PCNT: variants seen among roughly 807,000 people sequenced by gnomAD.
The protein encoded by PCNT is kendrin.
Under a neutral mutation model 380.4 loss-of-function variants are expected in PCNT, and 319 were observed. The observed-to-expected ratio is 0.84, with a 90% CI of 0.77 to 0.92. PCNT has a LOEUF of 0.92. Among genes scored for constraint, PCNT ranks in the 40% least tolerant of loss-of-function variants. The probability of loss-of-function intolerance (pLI) is 0.00; values close to 1 mark genes in which losing one functional copy is unlikely to be tolerated. For missense variants in PCNT, 4,400 were observed against 4,255.3 expected, an observed-to-expected ratio of 1.03 and a Z score of -0.95; for synonymous variants, 1,845 against 1,735.2, an observed-to-expected ratio of 1.06 and a Z score of -1.57.
intron 42 of PCNT, 32 bp downstream of exon 42, chr21:46,440,234 G>A (rs1318349393): frequency 6.2e-7 from 1 of 1,612,324 alleles, no homozygotes; most frequent in Admixed American, 1.7e-5. Flanking sequence ...TAGAACTTTG[G>A]TGCTTTTTTA....
Position 46,440,074 on chromosome 21 carries a change from T to C in PCNT, c.9274-9T>C. On this transcript the variant is annotated splice_polypyrimidine_tract_variant and intron_variant, in intron 41 of 46. Transcript: ENST00000359568. ...CTCTGTAGACAGCGCTGGCTGTGCT[T>C]CCTTACAGAGGTCGGAAAGGTCTGC... 1 of 1,614,008 alleles carries C rather than the reference T, an allele frequency of 6.2e-7. No homozygotes were observed. Among genetic ancestry groups the C allele is most frequent in the Non-Finnish European group, 8.5e-7 (1 of 1,180,002 alleles).
rs2053471444 is a variant in PCNT, at chr21:46,436,832, C to G, written c.8997-147C>G. 6 of 702,584 alleles carry G rather than the reference C, an allele frequency of 8.5e-6. No individual in the cohort carries two copies. The East Asian group carries it at 1.7e-4, about 19-fold the overall frequency. 43.5% of individuals were successfully genotyped at this position (702,584 alleles called of 1,614,324 possible). A position where few individuals can be genotyped will look rare whatever the true frequency, so the allele number is the denominator to read the frequency against. ...GCCTGTTGCCCCCGTGGGCCCCTGG[C>G]TCTGCCTCACGGCTGGACGAAGTGA... On this transcript the variant is annotated intron_variant, in intron 39 of 46. Transcript: ENST00000359568.
chr21:46,356,398 C>T (rs1477069307), intron 12 of PCNT, among the ~76,000 whole-genome samples: 2 of 152,246 alleles, frequency 1.3e-5, no homozygotes, highest in Non-Finnish European at 2.9e-5. Flanking sequence ...CAATTGTCCC[C>T]ACAGCCACCC....
chr21:46,341,755 A>T lies in PCNT; in HGVS notation c.640-4373A>T, dbSNP rs147145864. Among the ~76,000 whole-genome samples, 513 of 152,056 alleles carry T rather than the reference A, an allele frequency of 3.4e-3. 5 individuals are homozygous for T. Among genetic ancestry groups the T allele is most frequent in the Non-Finnish European group, 5.7e-3 (387 of 67,978 alleles). On this transcript the variant is annotated intron_variant, in intron 3 of 46. Coordinates refer to ENST00000359568, the MANE Select transcript of PCNT (RefSeq NM_006031.6). ...GCAGTAAGTGGCACAATCGTAGCTT[A>T]CTGCACTCTCCACCCCTGGGCTCAA...
rs1601794143 is a variant in PCNT at position 46,346,495 on chromosome 21, C to T, written c.721-248C>T. 3.9e-5 allele frequency among the ~76,000 whole-genome samples: 6 copies of T among 152,284 alleles called. No homozygotes were observed. The South Asian group carries it at 8.3e-4, about 21-fold the overall frequency. On this transcript the variant is annotated intron_variant, in intron 4 of 46. Transcript: ENST00000359568. Reference sequence around the variant, plus strand: ...AGCCCCCTCCAGGTACACACAGTGCCGTCATACAGCGAGGGAATTCGGGGT... The same window carrying T: ...AGCCCCCTCCAGGTACACACAGTGCTGTCATACAGCGAGGGAATTCGGGGT...
At position 46,440,870 on chromosome 21, in the gene PCNT, C is replaced by G. The variant is rs1556007750; in HGVS notation, c.9409C>G (p.Leu3137Val). 2 of 1,606,762 alleles carry G rather than the reference C, an allele frequency of 1.2e-6. No individual in the cohort carries two copies. Among genetic ancestry groups the G allele is most frequent in the African/African-American group, 2.7e-5 (2 of 74,870 alleles). The change falls in exon 43 of 47, where the codon CTG becomes GTG. Residue 3137 changes from leucine (L) to valine (V), a missense_variant. Coordinates refer to ENST00000359568, the MANE Select transcript of PCNT (RefSeq NM_006031.6). ...TSNVKMEKLY[L>V]HYLRAESFRK... ...TTTCTTTTAGATGGAAAAATTGTAC[C>G]TGCATTACTTGAGAGCAGAGAGCTT... is the stretch of plus-strand genomic sequence containing the variant.
intron 27 of PCNT, among the ~76,000 whole-genome samples, chr21:46,410,088 G>A (rs772026046): frequency 5.9e-5 from 9 of 152,242 alleles, no homozygotes; most frequent in South Asian, 2.1e-4. Flanking sequence ...AAATTCCTTC[G>A]CGTGCCTGTA....
At position 46,388,392 on chromosome 21, in the gene PCNT, C is replaced by T. The variant is rs950207655; in HGVS notation, c.3465-350C>T. Among the ~76,000 whole-genome samples the T allele has an allele frequency of 6.6e-6, 1 of 152,156 alleles. No homozygotes were observed. The highest frequency in any genetic ancestry group is 2.1e-4 in the South Asian group (1 of 4,836). The stretch of plus-strand genomic sequence containing the variant: ...TGCACCCTGTGCTCCAGGGGAGGGG[C>T]GGAGCCTGTGTGCTGCTCCCGGGTG... On this transcript the variant is annotated intron_variant, in intron 17 of 46. Coordinates refer to ENST00000359568, the MANE Select transcript of PCNT (RefSeq NM_006031.6). This position sits in a 1 kb window ranked among gnomAD's most constrained non-coding sequence, Gnocchi z 4.2.
rs760189540 is a variant in PCNT at position 46,421,997 on chromosome 21, T to C, written c.7052T>C (p.Leu2351Pro). 1 of 1,614,014 alleles carries C rather than the reference T, an allele frequency of 6.2e-7. No homozygotes were observed. Among genetic ancestry groups the C allele is most frequent in the Non-Finnish European group, 8.5e-7 (1 of 1,180,030 alleles). The change falls in exon 32 of 47, where the codon CTG (leucine) becomes CCG (proline). Residue 2351 changes from leucine (L) to proline (P), a missense_variant. Physicochemically the swap from Leu to Pro is moderately conservative, Grantham distance 98 (BLOSUM62 -3). Transcript: ENST00000359568. ...GACGGCTCGGGTTTTGGAGCAAGAC[T>C]GAGCCCGGGGTCAGGAGGCCCTGAG... ...KSDGSGFGAR[L>P]SPGSGGPEAQ...
chr21:46,442,020 C>T (rs896840295), intron 43 of PCNT, among the ~76,000 whole-genome samples: 1 of 152,212 alleles, frequency 6.6e-6, no homozygotes, highest in Non-Finnish European at 1.5e-5. Flanking sequence ...GCCCTCGTCA[C>T]CTGCACTCTG....
At position 46,445,604 on chromosome 21, in the gene PCNT, C is replaced by A; in HGVS notation, c.*277C>A. 6.2e-6 allele frequency: 3 copies of A among 483,148 alleles called. No homozygotes were observed. The highest frequency in any genetic ancestry group is 1.1e-5 in the Non-Finnish European group (3 of 271,306). 29.9% of individuals were successfully genotyped at this position (483,148 alleles called of 1,614,324 possible). ...AGCCCTGGCTGTGTGCTGTTGTGTG[C>A]CTATCGGCAGATCCATCCTTCCTGC... On this transcript the variant is annotated 3_prime_UTR_variant, in exon 47 of 47. Coordinates refer to ENST00000359568, the MANE Select transcript of PCNT (RefSeq NM_006031.6).
rs2147158185 is a variant in PCNT, at chr21:46,382,359, AGT to A, written c.3312+522_3312+523del. On this transcript the variant is annotated intron_variant, in intron 16 of 46. Coordinates refer to ENST00000359568, the MANE Select transcript of PCNT (RefSeq NM_006031.6). The stretch of plus-strand genomic sequence containing the variant: ...TATTCAGTGGCGGAAGCGCAATCAC[AGT>A]GTTGTATATTCAGTGACGGAAGCGC... Among the ~76,000 whole-genome samples, 2 of 136,962 alleles carry A rather than the reference AGT, an allele frequency of 1.5e-5. 1 individual carries two copies. The highest frequency in any genetic ancestry group is 1.5e-4 in the Admixed American group (2 of 13,468). 89.9% of individuals were successfully genotyped at this position (136,962 alleles called of 152,430 possible).
chr21:46,438,653 G>A (rs1355875821), intron 41 of PCNT, among the ~76,000 whole-genome samples: 1 of 149,662 alleles, frequency 6.7e-6, no homozygotes. Context: ...TAGAGTTTTA[G>A]TTAAAGTGAT....
chr21:46,426,969 C>T (rs796748038), intron 33 of PCNT, among the ~76,000 whole-genome samples: 44 of 152,302 alleles, frequency 2.9e-4, no homozygotes, highest in African/African-American at 9.1e-4. Flanking sequence ...CACCCGCCTC[C>T]GCTCGCCCCT....
rs771689442 is a variant in PCNT at position 46,349,103 on chromosome 21, A to T, written c.1124A>T (p.Asp375Val). Residue 375 changes from aspartate to valine, a missense_variant, in exon 7 of 47, where the codon GAT becomes GTT. Transcript: ENST00000359568. ...LSAKHQSEME[D>V]LQNQFQKELA... ...GCAAAGCATCAATCAGAAATGGAGG[A>T]TTTACAAAACCAGTTTCAGAAAGAA... The T allele has an allele frequency of 6.2e-7, 1 of 1,612,206 alleles. No homozygotes were observed. Among genetic ancestry groups the T allele is most frequent in the Non-Finnish European group, 8.5e-7 (1 of 1,178,250 alleles).
chr21:46,353,855 G>GGAC lies in PCNT; in HGVS notation c.1680-131_1680-129dup, dbSNP rs2084372875. The GGAC allele has an allele frequency of 4.9e-5, 38 of 770,074 alleles. No homozygotes were observed. In the South Asian group the frequency reaches 5.6e-4, roughly 11 times the overall value. The allele number at this position is 770,074 out of a possible 1,614,324, so 47.7% of individuals were successfully genotyped here. ...GTGACTGCCACGGCTCCCCGCACAT[G>GGAC]GACATTGCCCGTCCTTGACTGGAAG... On this transcript the variant is annotated intron_variant, in intron 10 of 46. Transcript: ENST00000359568.
Position 46,440,219 on chromosome 21 carries a change from G to T in PCNT, c.9393+17G>T. On this transcript the variant is annotated intron_variant, in intron 42 of 46. Coordinates refer to ENST00000359568, the MANE Select transcript of PCNT (RefSeq NM_006031.6). ...AATGTCAAGGTAGGAACGGTGCCAC[G>T]AGTATAGAACTTTGGTGCTTTTTTA... 6.2e-7 allele frequency: 1 copy of T among 1,613,490 alleles called. No homozygotes were observed. The highest frequency in any genetic ancestry group is 1.1e-5 in the South Asian group (1 of 91,080).
intron 21 of PCNT, among the ~76,000 whole-genome samples, chr21:46,393,357 G>T (rs985134664): frequency 2.0e-5 from 3 of 152,132 alleles, no homozygotes; most frequent in Admixed American, 1.3e-4. Flanking sequence ...GTCCTGCATC[G>T]CTCTCAGCAT....
intron 13 of PCNT, among the ~76,000 whole-genome samples, chr21:46,358,624 TTTTG>T (rs1220425640): frequency 1.6e-5 from 2 of 125,042 alleles, no homozygotes; most frequent in Admixed American, 1.7e-4. Flanking sequence ...TGTTTTGTTG[TTTTG>T]TTTTTTTTTT....
Sources: gnomAD v4.1 joint callset for allele counts (sites outside exome capture counted in the v4.1 genomes callset) on GRCh38, gnomAD v4.1.1 for gene constraint, Gnocchi (gnomAD v3.1) non-coding constraint, MANE v1.5 for transcripts, NCBI Gene and HGNC (gene_info 2026-07-23, HGNC 2026-07-21) for gene names.